The following ZNF143 variants were observed in gnomAD, a reference collection of about 807,000 sequenced individuals.
ZNF143 encodes the protein SPH-binding factor.
In ZNF143, 49 loss-of-function variants were observed where a neutral mutation model predicts 74.1. That is an observed-to-expected ratio of 0.66 (90% CI 0.53 to 0.84). The LOEUF (loss-of-function observed/expected upper bound fraction) is 0.84. Among genes scored for constraint, ZNF143 ranks in the 40% least tolerant of loss-of-function variants. The pLI, the probability that ZNF143 is intolerant of heterozygous loss-of-function variation, is 0.00. For missense variants in ZNF143, 637 were observed against 793.4 expected (o/e 0.80, Z 2.37); for synonymous variants, 304 against 282.8 (o/e 1.07, Z -0.75).
Position 9,486,413 on chromosome 11 carries a change from A to ATATAT in ZNF143, c.645+6868_645+6872dup, listed in dbSNP as rs1847521298. On this transcript the variant is annotated intron_variant, in intron 7 of 15. Transcript: ENST00000396602. The stretch of plus-strand genomic sequence containing the variant: ...ATATATATAATATATTATATATATA[A>ATATAT]TATATATTATATATATTATATATAT... Among the ~76,000 whole-genome samples, 15 of 3,798 alleles carry ATATAT rather than the reference A, an allele frequency of 3.9e-3. No homozygotes were observed. In the South Asian group the frequency reaches 0.091, roughly 23 times the overall value. 2.5% of individuals were successfully genotyped at this position (3,798 alleles called of 152,430 possible). A position where few individuals can be genotyped will look rare whatever the true frequency, so the allele number is the denominator to read the frequency against.
In ZNF143 at chr11:9,497,751, A is replaced by G. The variant is rs16906849; in HGVS notation, c.918A>G (p.Lys306=). The change falls in exon 10 of 16, where the codon AAA becomes AAG. Residue 306 remains lysine (K), a synonymous_variant. Coordinates refer to ENST00000396602, the MANE Select transcript of ZNF143 (RefSeq NM_003442.6). ...GGTGTTCGGAAGATAATTGTACTAA[A>G]TCTTTCAAAACTTCAGGAGATCTAC... ...PYRCSEDNCT[K]SFKTSGDLQK... 1.3e-3 allele frequency: 2,174 copies of G among 1,612,502 alleles called. 30 individuals are homozygous for G. The African/African-American group carries it at 0.025, about 19-fold the overall frequency.
intron 7 of ZNF143, among the ~76,000 whole-genome samples, chr11:9,486,968 CTTT>C (rs779391254): frequency 9.6e-6 from 1 of 104,672 alleles, no homozygotes; most frequent in Admixed American, 1.0e-4. Flanking sequence ...GCACCTGGCC[CTTT>C]TTTTTTTTTT....
chr11:9,492,579 G>T (rs887503216), intron 7 of ZNF143, among the ~76,000 whole-genome samples: 3 of 152,186 alleles, frequency 2.0e-5, no homozygotes, highest in African/African-American at 7.2e-5. Flanking sequence ...CCCATTTAGA[G>T]TGTACAGCTG....
intron 10 of ZNF143, among the ~76,000 whole-genome samples, chr11:9,499,838 A>G (rs1041648039): frequency 6.6e-5 from 10 of 152,264 alleles, no homozygotes; most frequent in African/African-American, 2.4e-4. Flanking sequence ...AAAAGGGTAC[A>G]TGAGAATCAA....
At chr11:9,479,736 T>C (rs1240449018) in intron 7 of ZNF143, among the ~76,000 whole-genome samples, 190 bp downstream of exon 7, 1 of 152,104 alleles carries the variant, frequency 6.6e-6, no homozygotes, top group Non-Finnish European at 1.5e-5. Context: ...GGATGCAAAA[T>C]GATGCTAAAG....
At chr11:9,472,830 G>A in intron 3 of ZNF143, 61 bp downstream of exon 3, 1 of 1,258,284 alleles carries the variant, frequency 7.9e-7, no homozygotes, top group Non-Finnish European at 1.1e-6. Context: ...GTGAGTTGGA[G>A]CACCTAGAAG....
At chr11:9,509,645 A>C (rs949183344) in intron 12 of ZNF143, among the ~76,000 whole-genome samples, 2 of 152,216 alleles carry the variant, frequency 1.3e-5, no homozygotes, top group Admixed American at 6.5e-5. Context: ...GCATTGAAAA[A>C]CATTTAGGTG....
chr11:9,475,535 C>T (rs546872936), intron 5 of ZNF143, among the ~76,000 whole-genome samples: 2 of 152,342 alleles, frequency 1.3e-5, no homozygotes, highest in East Asian at 3.9e-4. Context: ...CCTGCTCCGA[C>T]CTCCCAAAGC....
chr11:9,527,960 AAT>A lies in ZNF143; in HGVS notation c.*349_*350del. Reference sequence around the variant, plus strand: ...ATTTTTAACTTCCCGTGGAAAAAAAAATAAAGGCTGTATCTAAAATATCAAAG... The same window carrying A: ...ATTTTTAACTTCCCGTGGAAAAAAAAAAAGGCTGTATCTAAAATATCAAAG... On this transcript the variant is annotated 3_prime_UTR_variant, in exon 16 of 16. Coordinates refer to ENST00000396602, the MANE Select transcript of ZNF143 (RefSeq NM_003442.6). 5.9e-6 allele frequency: 1 copy of A among 170,688 alleles called. No homozygotes were observed. 10.6% of individuals were successfully genotyped at this position (170,688 alleles called of 1,614,324 possible). A position where few individuals can be genotyped will look rare whatever the true frequency, so the allele number is the denominator to read the frequency against.
At chr11:9,478,271 G>A (rs918982702) in intron 5 of ZNF143, 119 bp from the exon 6 acceptor site, 4 of 938,934 alleles carry the variant, frequency 4.3e-6, no homozygotes, top group Non-Finnish European at 6.4e-6. Context: ...CATATCAAGT[G>A]CGTGGTCCAG....
chr11:9,504,511 T>A (rs1055809841), intron 11 of ZNF143, among the ~76,000 whole-genome samples: 1 of 125,772 alleles, frequency 8.0e-6, no homozygotes, highest in African/African-American at 2.5e-5. Context: ...AATGCTCCAT[T>A]TTGTGGATGT....
intron 10 of ZNF143, among the ~76,000 whole-genome samples, chr11:9,500,700 T>G (rs1200824064): frequency 6.6e-6 from 1 of 152,210 alleles, no homozygotes; most frequent in Admixed American, 6.5e-5. Flanking sequence ...TGCAAGATAT[T>G]GTAGAATAAA....
Position 9,504,673 on chromosome 11 carries a change from CTT to C in ZNF143, c.1147+3421_1147+3422del, listed in dbSNP as rs869310966. Among the ~76,000 whole-genome samples, 4 of 89,458 alleles carry C rather than the reference CTT, an allele frequency of 4.5e-5. 1 individual carries two copies. The highest frequency in any genetic ancestry group is 1.0e-4 in the Non-Finnish European group (4 of 38,256). 58.7% of individuals were successfully genotyped at this position (89,458 alleles called of 152,430 possible). A position where few individuals can be genotyped will look rare whatever the true frequency, so the allele number is the denominator to read the frequency against. ...ATTAAAAGACATTTTTTTCTTTTTTCTTTTTTTTTTTTTTTTTTTGAGACAGC... is the reference window on the plus strand; with the variant it reads ...ATTAAAAGACATTTTTTTCTTTTTTCTTTTTTTTTTTTTTTTTGAGACAGC... On this transcript the variant is annotated intron_variant, in intron 11 of 15. Coordinates refer to ENST00000396602, the MANE Select transcript of ZNF143 (RefSeq NM_003442.6).
chr11:9,518,734 A>G (rs1241522098), intron 14 of ZNF143, among the ~76,000 whole-genome samples: 1 of 151,818 alleles, frequency 6.6e-6, no homozygotes, highest in East Asian at 1.9e-4. Context: ...AAAAAAAAAA[A>G]AGCTTCTGGT....
Position 9,516,370 on chromosome 11 carries a change from C to G in ZNF143, c.1686+8C>G, listed in dbSNP as rs77261041. 3,086 of 1,602,376 alleles carry G rather than the reference C, an allele frequency of 1.9e-3. 47 individuals carry two copies. The African/African-American group carries it at 0.031, about 16-fold the overall frequency. ...GGTACAGAAGGGGAACAGGTAATTA[C>G]TTTTTTCTGTTATGTCAATCAATAC... On this transcript the variant is annotated splice_region_variant and intron_variant, in intron 14 of 15. Coordinates refer to ENST00000396602, the MANE Select transcript of ZNF143 (RefSeq NM_003442.6).
chr11:9,467,270 C>G (rs1292826992), intron 1 of ZNF143, among the ~76,000 whole-genome samples: 1 of 136,840 alleles, frequency 7.3e-6, no homozygotes, highest in Non-Finnish European at 1.6e-5. Context: ...GAGTTTTACT[C>G]TGTAGCTCAG....
intron 1 of ZNF143, among the ~76,000 whole-genome samples, chr11:9,464,408 C>CT (rs1290491493): frequency 1.3e-5 from 2 of 151,958 alleles, no homozygotes; most frequent in Non-Finnish European, 2.9e-5. Flanking sequence ...TGAGACCAGC[C>CT]TGGCCAACAT....
At chr11:9,486,033 A>G (rs1352231863) in intron 7 of ZNF143, among the ~76,000 whole-genome samples, 2 of 151,066 alleles carry the variant, frequency 1.3e-5, no homozygotes, top group Admixed American at 6.6e-5. Context: ...TCTAGAGCCA[A>G]ACTCCTTCAA....
At chr11:9,478,310 C>T in intron 5 of ZNF143, 80 bp from the exon 6 acceptor site, 6 of 1,459,678 alleles carry the variant, frequency 4.1e-6, no homozygotes, top group Non-Finnish European at 5.6e-6. Flanking sequence ...AATAAAAGCT[C>T]ATTTCTCTCT....
Sources: gnomAD v4.1 joint callset for allele counts (sites outside exome capture counted in the v4.1 genomes callset) on GRCh38, gnomAD v4.1.1 for gene constraint, MANE v1.5 for transcripts, NCBI Gene and HGNC (gene_info 2026-07-23, HGNC 2026-07-21) for gene names.